Variants in TNPO1 observed in about 807,000 individuals in gnomAD.
TNPO1 encodes the protein transportin-1.
In TNPO1, 8 loss-of-function variants were observed where a neutral mutation model predicts 119.5. The ratio of observed to expected loss-of-function variants is 0.07; its 90% CI spans 0.04 to 0.12. TNPO1 has a LOEUF of 0.12. Ranked by LOEUF, TNPO1 falls within the 10% of genes least tolerant of loss-of-function variation. The pLI is 1.00. For synonymous variants in TNPO1, 362 were observed against 363.0 expected (o/e 1.00, Z 0.03); for missense variants, 576 against 1,089.8 (o/e 0.53, Z 6.64).
At chr5:72,879,293 A>T (rs550548362) in intron 9 of TNPO1, 11 of 158,808 alleles carry the variant, frequency 6.9e-5, no homozygotes, top group African/African-American at 2.6e-4. Context: ...CTAGGCTATA[A>T]CATAAACCTA....
intron 1 of TNPO1, among the ~76,000 whole-genome samples, chr5:72,830,825 T>C (rs1744423604): frequency 6.6e-6 from 1 of 152,146 alleles, no homozygotes; most frequent in Non-Finnish European, 1.5e-5. Context: ...TGAATTTATG[T>C]TTTTTTCTAA....
chr5:72,889,000 G>T (rs527687911), intron 13 of TNPO1, among the ~76,000 whole-genome samples: 1 of 152,208 alleles, frequency 6.6e-6, no homozygotes, highest in South Asian at 2.1e-4. Flanking sequence ...GAGTAGGTTT[G>T]CTTTTACCAT....
chr5:72,861,277 A>T (rs943453420), intron 4 of TNPO1, among the ~76,000 whole-genome samples: 2 of 152,196 alleles, frequency 1.3e-5, no homozygotes, highest in Non-Finnish European at 2.9e-5. Context: ...TTGCATTCTT[A>T]TACTTGGTAA....
intron 6 of TNPO1, among the ~76,000 whole-genome samples, chr5:72,867,007 T>C (rs1007331765): frequency 6.6e-6 from 1 of 151,964 alleles, no homozygotes; most frequent in African/African-American, 2.4e-5. Flanking sequence ...AGACCCTTTC[T>C]CTACAAAAAA....
At chr5:72,865,393 G>A (rs1746803098) in intron 5 of TNPO1, among the ~76,000 whole-genome samples, 1 of 72,312 alleles carries the variant, frequency 1.4e-5, no homozygotes, top group Non-Finnish European at 3.3e-5. Context: ...AGTGACCCGA[G>A]ATGGTGCCAC....
chr5:72,886,187 T>C (rs1748613532), intron 11 of TNPO1, among the ~76,000 whole-genome samples: 6 of 152,206 alleles, frequency 3.9e-5, no homozygotes. Flanking sequence ...TTTGTTGCTC[T>C]TGTCTAAATT....
intron 8 of TNPO1, among the ~76,000 whole-genome samples, chr5:72,876,229 T>C (rs1350347314): frequency 6.6e-6 from 1 of 152,190 alleles, no homozygotes; most frequent in Non-Finnish European, 1.5e-5. Flanking sequence ...TCTTCCACAA[T>C]ACTCAGTAGC....
Position 72,911,155 on chromosome 5 carries a change from T to A in TNPO1, c.*2482T>A, listed in dbSNP as rs1750539849. 6.6e-6 allele frequency: 1 copy of A among 152,056 alleles called. No individual in the cohort carries two copies. Among genetic ancestry groups the A allele is most frequent in the Non-Finnish European group, 1.5e-5 (1 of 67,944 alleles). 9.4% of individuals were successfully genotyped at this position (152,056 alleles called of 1,614,324 possible). ...TTAAATTGAAATGACCAAATTCGAT[T>A]TAAAACAAACACATAACAATCTTCA... On this transcript the variant is annotated 3_prime_UTR_variant, in exon 25 of 25. Coordinates refer to ENST00000337273, the MANE Select transcript of TNPO1 (RefSeq NM_002270.4).
intron 18 of TNPO1, among the ~76,000 whole-genome samples, chr5:72,894,958 G>GA (rs1285183015): frequency 1.3e-5 from 2 of 152,096 alleles, no homozygotes; most frequent in Non-Finnish European, 2.9e-5. Flanking sequence ...TACAAAAGTA[G>GA]AAAAAATGTA....
chr5:72,881,544 A>G (rs574579332), intron 9 of TNPO1, among the ~76,000 whole-genome samples: 1 of 152,326 alleles, frequency 6.6e-6, no homozygotes, highest in African/African-American at 2.4e-5. Context: ...ATTGTTGGCT[A>G]TAGAAATCTG....
intron 5 of TNPO1, among the ~76,000 whole-genome samples, chr5:72,863,283 A>G (rs1746619486): frequency 6.6e-6 from 1 of 152,170 alleles, no homozygotes; most frequent in Non-Finnish European, 1.5e-5. Flanking sequence ...TAACCTGTCA[A>G]CAACAAAAAA....
intron 15 of TNPO1, among the ~76,000 whole-genome samples, chr5:72,892,498 TTC>T (rs1346479692): frequency 3.4e-4 from 52 of 152,114 alleles, no homozygotes; most frequent in Non-Finnish European, 6.5e-4. Context: ...CCAAGAGCAA[TTC>T]TGGGCCCAGC....
At chr5:72,875,484 AT>A (rs2112381321) in intron 7 of TNPO1, 130 bp from the exon 8 acceptor site, 1 of 792,654 alleles carries the variant, frequency 1.3e-6, no homozygotes, top group East Asian at 2.8e-5. Flanking sequence ...TTGTAATCTA[AT>A]ATTGTAGGCC....
chr5:72,841,640 A>G (rs1389358467), intron 1 of TNPO1, among the ~76,000 whole-genome samples: 1 of 152,158 alleles, frequency 6.6e-6, no homozygotes, highest in African/African-American at 2.4e-5. Context: ...CGCCCAGCCT[A>G]TAGACTTTCT....
chr5:72,912,666 G>A lies in TNPO1; in HGVS notation c.*3993G>A, dbSNP rs554484010. On this transcript the variant is annotated 3_prime_UTR_variant, in exon 25 of 25. Coordinates refer to ENST00000337273, the MANE Select transcript of TNPO1 (RefSeq NM_002270.4). Reference sequence around the variant, plus strand: ...ACCTGAAAATGAGCTACATATGGTCGTCATTTTCTTCAAACTCTCAAAATA... The same window carrying A: ...ACCTGAAAATGAGCTACATATGGTCATCATTTTCTTCAAACTCTCAAAATA... 2.0e-4 allele frequency: 31 copies of A among 152,314 alleles called. No individual in the cohort carries two copies. The highest frequency in any genetic ancestry group is 4.4e-5 in the Non-Finnish European group (3 of 67,898). 9.4% of individuals were successfully genotyped at this position (152,314 alleles called of 1,614,324 possible). A position where few individuals can be genotyped will look rare whatever the true frequency, so the allele number is the denominator to read the frequency against.
At chr5:72,836,309 A>AG (rs1054986704) in intron 1 of TNPO1, among the ~76,000 whole-genome samples, 2 of 152,120 alleles carry the variant, frequency 1.3e-5, no homozygotes, top group Non-Finnish European at 2.9e-5. Flanking sequence ...TTTCAAATCT[A>AG]GGTGAGGTAA....
At chr5:72,905,844 C>A (rs1750104160) in intron 24 of TNPO1, among the ~76,000 whole-genome samples, 1 of 152,132 alleles carries the variant, frequency 6.6e-6, no homozygotes, top group South Asian at 2.1e-4. Flanking sequence ...TTGCAGTGAG[C>A]CAAGATCTTG....
chr5:72,893,314 A>T (rs887695010), intron 16 of TNPO1, 63 bp from the exon 17 acceptor site: 12 of 1,605,554 alleles, frequency 7.5e-6, no homozygotes, highest in Admixed American at 1.7e-5. Flanking sequence ...GGTATAATGT[A>T]TACAGACTTT....
At chr5:72,885,629 T>C (rs1179512366) in intron 11 of TNPO1, among the ~76,000 whole-genome samples, 3 of 152,194 alleles carry the variant, frequency 2.0e-5, no homozygotes, top group African/African-American at 7.2e-5. Context: ...TTTTGTTGCA[T>C]GTCAGTGTAC....
Sources: gnomAD v4.1 joint callset for allele counts (sites outside exome capture counted in the v4.1 genomes callset) on GRCh38, gnomAD v4.1.1 for gene constraint, MANE v1.5 for transcripts, NCBI Gene and HGNC (gene_info 2026-07-23, HGNC 2026-07-21) for gene names.